Variants in UNC79 observed in about 807,000 individuals in gnomAD.
The protein encoded by UNC79 is unc-79 subunit of NALCN channel complex, also known as protein unc-79 homolog.
UNC79 carries 37 observed loss-of-function variants against 283.1 expected under a neutral mutation model. The observed-to-expected ratio is 0.13, with a 90% CI of 0.10 to 0.17. The LOEUF is 0.17. Among genes scored for constraint, UNC79 ranks in the 10% least tolerant of loss-of-function variants. The pLI is 1.00. For missense variants in UNC79, 2,272 were observed against 3,211.1 expected (o/e 0.71, Z 7.07); for synonymous variants, 1,107 against 1,200.2 (o/e 0.92, Z 1.61).
chr14:93,403,052 A>G (rs1410902823), intron 1 of UNC79, among the ~76,000 whole-genome samples: 1 of 152,160 alleles, frequency 6.6e-6, no homozygotes, highest in Non-Finnish European at 1.5e-5. Flanking sequence ...TGGGGCTTCC[A>G]GGTCATAAAT....
chr14:93,542,648 C>T (rs367698889), exon 14 of UNC79: 43 of 1,614,072 alleles, frequency 2.7e-5, no homozygotes, highest in Non-Finnish European at 3.6e-5. Flanking sequence ...ATGTTCGCTT[C>T]GATGTCATGG....
At chr14:93,533,826 C>T (rs2060939885) in intron 11 of UNC79, among the ~76,000 whole-genome samples, 1 of 152,170 alleles carries the variant, frequency 6.6e-6, no homozygotes, top group African/African-American at 2.4e-5. Context: ...ACAATCTGTC[C>T]TTTGGACATA....
intron 17 of UNC79, among the ~76,000 whole-genome samples, chr14:93,577,393 T>C (rs1406552910): frequency 6.6e-6 from 1 of 152,156 alleles, no homozygotes; most frequent in Non-Finnish European, 1.5e-5. Context: ...TGTCATATAT[T>C]GTTGTCTCAT....
intron 1 of UNC79, among the ~76,000 whole-genome samples, chr14:93,404,215 G>C (rs2055168291): frequency 1.4e-5 from 2 of 146,890 alleles, no homozygotes; most frequent in Admixed American, 1.3e-4. Context: ...GTATTCAGTT[G>C]GGAAGAGGAT....
chr14:93,701,004 G>GTC (rs1406302616), intron 47 of UNC79, among the ~76,000 whole-genome samples: 5 of 151,616 alleles, frequency 3.3e-5, no homozygotes, highest in Non-Finnish European at 5.9e-5. Context: ...CTTTGGAGTT[G>GTC]TCTCTCTCTC....
rs1223409369 is a variant in UNC79, at chr14:93,688,970, T to G, written c.7085+130T>G. 5 of 1,040,284 alleles carry G rather than the reference T, an allele frequency of 4.8e-6. No individual in the cohort carries two copies. The African/African-American group carries it at 6.5e-5, about 13-fold the overall frequency. The allele number at this position is 1,040,284 out of a possible 1,614,324, so 64.4% of individuals were successfully genotyped here. The stretch of plus-strand genomic sequence containing the variant: ...AGTGGAATATACTTGGTTAGGAAGA[T>G]GGAAATCAGATCCCATCTCCTTACG... On this transcript the variant is annotated intron_variant, in intron 44 of 48. Transcript: ENST00000555664. This position sits in a 1 kb window ranked among gnomAD's most constrained non-coding sequence, Gnocchi z 4.0.
intron 12 of UNC79, among the ~76,000 whole-genome samples, chr14:93,539,838 C>T (rs1362718070): frequency 2.0e-5 from 3 of 152,166 alleles, no homozygotes; most frequent in African/African-American, 4.8e-5. Flanking sequence ...TTCTCCACGT[C>T]GTTGCATGGT....
chr14:93,575,266 C>T (rs1366711010), intron 17 of UNC79, 68 bp downstream of exon 17: 19 of 1,600,112 alleles, frequency 1.2e-5, no homozygotes, highest in African/African-American at 8.1e-5. Context: ...AGTTATCCTA[C>T]GCCTGAAAGT....
At chr14:93,665,403 A>C (rs1016660237) in intron 40 of UNC79, among the ~76,000 whole-genome samples, 3 of 151,792 alleles carry the variant, frequency 2.0e-5, no homozygotes, top group Non-Finnish European at 4.4e-5. Context: ...CAGAAGAGAG[A>C]GATAAAGAGA....
chr14:93,387,765 A>T (rs1005675230), intron 1 of UNC79, among the ~76,000 whole-genome samples: 1 of 152,208 alleles, frequency 6.6e-6, no homozygotes, highest in African/African-American at 2.4e-5. Flanking sequence ...TTTGTTCTAT[A>T]GTGCAGATTA....
chr14:93,684,019 G>GT (rs1481466715), intron 42 of UNC79, among the ~76,000 whole-genome samples: 1 of 151,574 alleles, frequency 6.6e-6, no homozygotes, highest in Admixed American at 6.6e-5. Context: ...TGCCCTATTT[G>GT]TTTTTTTGTT....
chr14:93,476,181 G>A lies in UNC79; in HGVS notation c.449-1377G>A, dbSNP rs149537679. Among the ~76,000 whole-genome samples the A allele has an allele frequency of 3.4e-3, 520 of 152,108 alleles. 9 individuals carry two copies. In the South Asian group the frequency reaches 0.049, roughly 14 times the overall value. ...TTCTTTTGCATAGACTTTGAGAGCC[G>A]CTGCACTAAGACCGGAGGCTGTGTC... On this transcript the variant is annotated intron_variant, in intron 3 of 48. Coordinates refer to ENST00000555664, the Ensembl canonical transcript of UNC79.
chr14:93,571,330 T>A (rs1358902331), intron 14 of UNC79, among the ~76,000 whole-genome samples: 1 of 152,230 alleles, frequency 6.6e-6, no homozygotes, highest in African/African-American at 2.4e-5. Context: ...ACTATCTTAA[T>A]TAGTTTAAAA....
chr14:93,560,386 G>A (rs745998281), intron 14 of UNC79, among the ~76,000 whole-genome samples: 4 of 152,032 alleles, frequency 2.6e-5, no homozygotes, highest in Non-Finnish European at 4.4e-5. Flanking sequence ...TCAAGGCCTC[G>A]GCAGTTTTGG....
At chr14:93,356,097 G>A (rs529305666) in intron 1 of UNC79, among the ~76,000 whole-genome samples, 1 of 149,526 alleles carries the variant, frequency 6.7e-6, no homozygotes, top group Non-Finnish European at 1.5e-5. Context: ...ATGCGATTTA[G>A]GCTCACTGCA....
intron 8 of UNC79, among the ~76,000 whole-genome samples, chr14:93,527,326 T>C (rs1278059922): frequency 6.6e-6 from 1 of 152,264 alleles, no homozygotes; most frequent in African/African-American, 2.4e-5. Context: ...GCTGCTTTCA[T>C]GCTCCAACAG....
rs146011257 is a variant in UNC79, at chr14:93,384,537, A to G, written c.-351+51014A>G. Among the ~76,000 whole-genome samples, 317 of 152,282 alleles carry G rather than the reference A, an allele frequency of 2.1e-3. 5 individuals carry two copies. The East Asian group carries it at 0.022, about 11-fold the overall frequency. On this transcript the variant is annotated intron_variant, in intron 1 of 49. Transcript: ENST00000256339. ...TCTATTCAGATCTTTTGCCCATTTT[A>G]AATTGGATTATTAGATGTTTTTCCT...
intron 1 of UNC79, among the ~76,000 whole-genome samples, chr14:93,355,373 G>A (rs2054065335): frequency 6.6e-6 from 1 of 152,114 alleles, no homozygotes; most frequent in Non-Finnish European, 1.5e-5. Context: ...TAATTTTTGA[G>A]TTTTTAATAG....
chr14:93,534,903 A>G (rs925060436), intron 11 of UNC79, among the ~76,000 whole-genome samples: 1 of 152,234 alleles, frequency 6.6e-6, no homozygotes, highest in Admixed American at 6.5e-5. Flanking sequence ...TGTTTTACAC[A>G]GACATTAATT....
Sources: gnomAD v4.1 joint callset for allele counts (sites outside exome capture counted in the v4.1 genomes callset) on GRCh38, gnomAD v4.1.1 for gene constraint, Gnocchi (gnomAD v3.1) non-coding constraint, MANE v1.5 for transcripts, NCBI Gene and HGNC (gene_info 2026-07-23, HGNC 2026-07-21) for gene names.